Variants in DNAI4 observed in about 807,000 individuals in gnomAD.
The protein encoded by DNAI4 is dynein axonemal intermediate chain 4, also known as WD repeat domain 78.
In DNAI4, 85 loss-of-function variants were observed where a neutral mutation model predicts 105.8. That is an observed-to-expected ratio of 0.80 (90% CI 0.67 to 0.96). The LOEUF (loss-of-function observed/expected upper bound fraction) is 0.96, where lower values mean the gene tolerates loss of function less well. DNAI4 is among the 40% of genes least tolerant of loss of function. DNAI4 has a pLI of 0.00. For synonymous variants in DNAI4, 352 were observed against 331.5 expected (o/e 1.06, Z -0.67); for missense variants, 1,014 against 1,005.6 (o/e 1.01, Z -0.11).
In DNAI4 at chr1:66,837,793, G is replaced by T. The variant is rs1192119158; in HGVS notation, c.1498C>A (p.Leu500Ile). ...SLAWNKTNPD[L>I]LAVGYGHFGF... ...AAGTGCCCATAGCCAACAGCCAAAA[G>T]ATCCTGAAAACCAGAAAAATACATT... The change falls in exon 10 of 17, where the codon CTT becomes ATT. Residue 500 changes from leucine (L) to isoleucine (I), a missense_variant. Transcript: ENST00000371026. 1.3e-6 allele frequency: 2 copies of T among 1,597,868 alleles called. No homozygotes were observed. The highest frequency in any genetic ancestry group is 8.5e-7 in the Non-Finnish European group (1 of 1,175,716).
chr1:66,883,763 T>G (rs1203489133), intron 4 of DNAI4, among the ~76,000 whole-genome samples: 1 of 152,204 alleles, frequency 6.6e-6, no homozygotes, highest in African/African-American at 2.4e-5. Flanking sequence ...TACAAAGTGA[T>G]GGTTTATGAA....
rs1240437281 is a variant in DNAI4 at position 66,833,882 on chromosome 1, A to G, written c.1891+109T>C. 7 of 1,416,574 alleles carry G rather than the reference A, an allele frequency of 4.9e-6. No homozygotes were observed. In the African/African-American group the frequency reaches 7.2e-5, roughly 15 times the overall value. The allele number at this position is 1,416,574 out of a possible 1,614,324, so 87.8% of individuals were successfully genotyped here. A position where few individuals can be genotyped will look rare whatever the true frequency, so the allele number is the denominator to read the frequency against. On this transcript the variant is annotated intron_variant, in intron 12 of 16. Transcript: ENST00000371026. ...GCTTAGAAAAACCATGACCAACCCA[A>G]TTTTTTTCTTATTGGCCAAACCAAA...
At chr1:66,837,380 A>AAC (rs1404340108) in intron 10 of DNAI4, among the ~76,000 whole-genome samples, 4 of 151,690 alleles carry the variant, frequency 2.6e-5, no homozygotes, top group African/African-American at 2.4e-5. Context: ...AAAAAAAAAA[A>AAC]AAAACATAAT....
intron 7 of DNAI4, among the ~76,000 whole-genome samples, chr1:66,850,813 T>G (rs139063492): frequency 0.018 from 2,785 of 151,938 alleles, 30 homozygotes; most frequent in Middle Eastern, 0.048. Flanking sequence ...CATAATGGAA[T>G]ATGTAAATTA....
At chr1:66,899,751 A>G (rs1366324017) in intron 2 of DNAI4, among the ~76,000 whole-genome samples, 1 of 152,236 alleles carries the variant, frequency 6.6e-6, no homozygotes, top group Non-Finnish European at 1.5e-5. Flanking sequence ...ATATGAGGTA[A>G]GGGTCTAAGT....
At chr1:66,875,720 C>A (rs1473030288) in intron 4 of DNAI4, among the ~76,000 whole-genome samples, 1 of 151,938 alleles carries the variant, frequency 6.6e-6, no homozygotes, top group African/African-American at 2.4e-5. Context: ...GCTTGGACAG[C>A]TTTAGGAAAA....
chr1:66,887,447 A>C (rs1925401), intron 4 of DNAI4, among the ~76,000 whole-genome samples: 25,250 of 152,130 alleles, frequency 0.17, 2,505 homozygotes, highest in African/African-American at 0.29. Flanking sequence ...GAAGTCCACC[A>C]CAGAATTTTT....
chr1:66,912,702 G>A (rs1470520561), intron 1 of DNAI4, among the ~76,000 whole-genome samples: 2 of 152,152 alleles, frequency 1.3e-5, no homozygotes, highest in Admixed American at 1.3e-4. Flanking sequence ...GGGCGCGCAT[G>A]CTCAACTTTG....
intron 2 of DNAI4, among the ~76,000 whole-genome samples, chr1:66,895,175 A>G (rs773144906): frequency 1.3e-5 from 2 of 152,232 alleles, no homozygotes; most frequent in Non-Finnish European, 2.9e-5. Flanking sequence ...AAATTGTATC[A>G]TTTTAAAATG....
chr1:66,857,535 ATT>A (rs779863639), intron 7 of DNAI4, among the ~76,000 whole-genome samples: 16 of 143,042 alleles, frequency 1.1e-4, no homozygotes, highest in Admixed American at 2.1e-4. Flanking sequence ...CTGCCCACAA[ATT>A]TTTTTTTTTT....
At chr1:66,849,429 TCAAA>T (rs1405137876) in intron 7 of DNAI4, among the ~76,000 whole-genome samples, 1 of 152,092 alleles carries the variant, frequency 6.6e-6, no homozygotes, top group African/African-American at 2.4e-5. Context: ...CAGAACAGTG[TCAAA>T]CAAAGCCTGC....
intron 1 of DNAI4, chr1:66,919,039 C>T: frequency 2.4e-6 from 1 of 416,578 alleles, no homozygotes; most frequent in Non-Finnish European, 4.9e-6. Flanking sequence ...AAGCCCCCTC[C>T]CTGCTTCAAG....
chr1:66,889,532 A>G (rs892128837), intron 4 of DNAI4, among the ~76,000 whole-genome samples: 1 of 152,208 alleles, frequency 6.6e-6, no homozygotes, highest in Non-Finnish European at 1.5e-5. Context: ...TATTTGTTCA[A>G]TTCTTGTTAG....
chr1:66,895,395 G>T (rs1648234816), intron 2 of DNAI4, among the ~76,000 whole-genome samples: 1 of 152,170 alleles, frequency 6.6e-6, no homozygotes, highest in Admixed American at 6.5e-5. Flanking sequence ...TTAAGCCCAG[G>T]AGTTTGAGGA....
intron 8 of DNAI4, among the ~76,000 whole-genome samples, chr1:66,842,574 G>GT (rs1646173448): frequency 6.6e-6 from 1 of 151,900 alleles, no homozygotes; most frequent in Non-Finnish European, 1.5e-5. Context: ...TGTATTTTTA[G>GT]TAAGTAGAGC....
chr1:66,910,968 G>T (rs1032565325), intron 1 of DNAI4, among the ~76,000 whole-genome samples: 1 of 152,152 alleles, frequency 6.6e-6, no homozygotes, highest in Non-Finnish European at 1.5e-5. Context: ...AATCAGTTCC[G>T]CAGTGGATAC....
intron 1 of DNAI4, among the ~76,000 whole-genome samples, chr1:66,908,362 AATCCACACCAT>A (rs1557981133): frequency 6.6e-6 from 1 of 152,122 alleles, no homozygotes; most frequent in Non-Finnish European, 1.5e-5. Flanking sequence ...AGCAATCCAG[AATCCACACCAT>A]TATGGGGTTT....
chr1:66,905,416 T>A, intron 1 of DNAI4, 41 bp from the exon 2 acceptor site: 4 of 1,317,270 alleles, frequency 3.0e-6, no homozygotes, highest in Non-Finnish European at 4.0e-6. Context: ...GGATTCAAGA[T>A]TGAAAAGAAA....
intron 1 of DNAI4, among the ~76,000 whole-genome samples, chr1:66,906,349 T>C (rs533111856): frequency 6.6e-6 from 1 of 152,344 alleles, no homozygotes; most frequent in Admixed American, 6.5e-5. Context: ...TAGTACTCTG[T>C]AATATGGATT....
Sources: gnomAD v4.1 joint callset for allele counts (sites outside exome capture counted in the v4.1 genomes callset) on GRCh38, gnomAD v4.1.1 for gene constraint, MANE v1.5 for transcripts, NCBI Gene and HGNC (gene_info 2026-07-23, HGNC 2026-07-21) for gene names.